The following PCDHGA2 variants were observed in gnomAD, a reference collection of about 807,000 sequenced individuals.
PCDHGA2 encodes the protein protocadherin gamma subfamily A, 2.
Under a neutral mutation model 59.2 loss-of-function variants are expected in PCDHGA2, and 40 were observed. The ratio of observed to expected loss-of-function variants is 0.68; its 90% confidence interval spans 0.52 to 0.88. PCDHGA2 has a LOEUF of 0.88. PCDHGA2 is among the 40% of genes least tolerant of loss of function. PCDHGA2 has a pLI of 0.00. For missense variants in PCDHGA2, 1,226 were observed against 1,204.0 expected (o/e 1.02, Z -0.27); for synonymous variants, 560 against 526.0 (o/e 1.06, Z -0.89).
chr5:141,479,035 C>A (rs2099486361), intron 1 of PCDHGA2, among the ~76,000 whole-genome samples: 1 of 152,104 alleles, frequency 6.6e-6, no homozygotes, highest in Non-Finnish European at 1.5e-5. Context: ...TTATACAGAT[C>A]GTGTACCTCA....
intron 2 of PCDHGA2, among the ~76,000 whole-genome samples, chr5:141,498,436 A>G (rs566463876): frequency 6.6e-6 from 1 of 152,268 alleles, no homozygotes; most frequent in East Asian, 1.9e-4. Flanking sequence ...GGGGATGAAG[A>G]GGAGAGGTTC....
In PCDHGA2 at chr5:141,494,863, C is replaced by A. The variant is rs538734954; in HGVS notation, c.2481C>A (p.Ser827Arg). 17 of 1,614,118 alleles carry A rather than the reference C, an allele frequency of 1.1e-5. No individual in the cohort carries two copies. Among genetic ancestry groups the A allele is most frequent in the Non-Finnish European group, 1.4e-5 (17 of 1,179,994 alleles). Residue 827 changes from serine to arginine, a missense_variant and splice_region_variant, in exon 2 of 4, where the codon AGC becomes AGA. By Grantham distance (110) the Ser-to-Arg change is moderately radical. Transcript: ENST00000394576. ...RFSQAQRPGT[S>R]GSQNGDDTGT... ...CTCAGGCCCAGAGACCCGGCACCAG[C>A]GGGTAGGTGACTGATTCTCCAGCCC...
intron 1 of PCDHGA2, chr5:141,355,947 A>C: frequency 1.2e-6 from 2 of 1,613,908 alleles, no homozygotes; most frequent in Non-Finnish European, 1.7e-6. Flanking sequence ...AGTACCACGT[A>C]AGTGTTCGTG....
intron 1 of PCDHGA2, chr5:141,405,577 T>C (rs1034475748): frequency 1.0e-5 from 6 of 597,580 alleles, no homozygotes; most frequent in Non-Finnish European, 1.8e-5. Context: ...GTAGAGTAGC[T>C]GGGACTACAG....
At chr5:141,411,954 A>T (rs563669924) in intron 1 of PCDHGA2, 1 of 152,382 alleles carries the variant, frequency 6.6e-6, no homozygotes, top group East Asian at 1.9e-4. Flanking sequence ...TTTTGAAGAA[A>T]AAAGATAAAA....
At position 141,476,792 on chromosome 5, in the gene PCDHGA2, G is replaced by T. The variant is rs376910320; in HGVS notation, c.2425-18015G>T. ...GGACGGAGGGACCCCAGCTCTCTCC[G>T]CCAGCCTGCCTATTCACATCAAGGT... On this transcript the variant is annotated intron_variant, in intron 1 of 3. Coordinates refer to ENST00000394576, the MANE Select transcript of PCDHGA2 (RefSeq NM_018915.4). The surrounding 1 kb of genome is among the most constrained non-coding windows in gnomAD (Gnocchi z 7.6). 4.3e-6 allele frequency: 7 copies of T among 1,612,720 alleles called. No individual in the cohort carries two copies. Among genetic ancestry groups the T allele is most frequent in the Non-Finnish European group, 5.1e-6 (6 of 1,179,958 alleles).
At chr5:141,399,834 G>A (rs375768001) in intron 1 of PCDHGA2, 3 of 1,613,004 alleles carry the variant, frequency 1.9e-6, no homozygotes, top group African/African-American at 2.7e-5. Flanking sequence ...ACGGCTCTGC[G>A]CTCTTCGATA....
chr5:141,350,289 T>G (rs1758440000), intron 1 of PCDHGA2: 8 of 1,513,050 alleles, frequency 5.3e-6, no homozygotes, highest in Non-Finnish European at 7.1e-6. Flanking sequence ...GCCGAAATGA[T>G]GAAAAGTCAG....
chr5:141,409,833 C>G (rs973436075), intron 1 of PCDHGA2: 2 of 1,611,368 alleles, frequency 1.2e-6, no homozygotes, highest in Non-Finnish European at 1.7e-6. Context: ...ACGCTCAGCG[C>G]CAACGTGAGC....
intron 1 of PCDHGA2, chr5:141,428,805 C>G (rs1468764398): frequency 6.6e-6 from 1 of 152,108 alleles, no homozygotes; most frequent in African/African-American, 2.4e-5. Flanking sequence ...GGGCCAGTAA[C>G]TTCATTATTA....
chr5:141,361,004 A>G, intron 1 of PCDHGA2: 1 of 1,613,282 alleles, frequency 6.2e-7, no homozygotes, highest in African/African-American at 1.3e-5. Context: ...CAAGTGAAAC[A>G]CTTTTTCAAC....
intron 1 of PCDHGA2, chr5:141,361,044 A>G: frequency 6.2e-7 from 1 of 1,613,658 alleles, no homozygotes; most frequent in South Asian, 1.1e-5. Flanking sequence ...AAATCACGAC[A>G]AAGGATGATT....
At chr5:141,387,385 T>C (rs998102373) in intron 1 of PCDHGA2, among the ~76,000 whole-genome samples, 4 of 152,206 alleles carry the variant, frequency 2.6e-5, no homozygotes, top group African/African-American at 9.6e-5. Flanking sequence ...TTTATATAGA[T>C]AGTGCATGTT....
At chr5:141,469,511 G>T (rs2099203340) in intron 1 of PCDHGA2, among the ~76,000 whole-genome samples, 2 of 152,038 alleles carry the variant, frequency 1.3e-5, no homozygotes, top group South Asian at 2.1e-4. Flanking sequence ...GGAGGTGGAG[G>T]TTGCAGTGAG....
At chr5:141,404,192 A>G in intron 1 of PCDHGA2, 1 of 1,613,574 alleles carries the variant, frequency 6.2e-7, no homozygotes. Flanking sequence ...TGACCGAGAA[A>G]AAGCCTCAGA....
intron 1 of PCDHGA2, chr5:141,376,511 A>T (rs1772759246): frequency 6.2e-7 from 1 of 1,613,966 alleles, no homozygotes; most frequent in Non-Finnish European, 8.5e-7. Flanking sequence ...ACTTCAGGTG[A>T]GTTTCTTTCC....
rs562030939 is a variant in PCDHGA2 at position 141,365,175 on chromosome 5, G to T, written c.2424+23780G>T. ...AACGGGAAATTGACCTACTCTTTTC[G>T]CAATGAAGAAGAAAAAATTTCGGAG... On this transcript the variant is annotated intron_variant, in intron 1 of 3. Transcript: ENST00000394576. 7 of 1,613,832 alleles carry T rather than the reference G, an allele frequency of 4.3e-6. No homozygotes were observed. In the African/African-American group the frequency reaches 5.3e-5, roughly 12 times the overall value.
chr5:141,392,659 A>G, intron 1 of PCDHGA2: 1 of 788,300 alleles, frequency 1.3e-6, no homozygotes, highest in Non-Finnish European at 1.9e-6. Context: ...CGCAGATGCC[A>G]CAAACTAACT....
intron 1 of PCDHGA2, chr5:141,390,260 C>T (rs1206984031): frequency 6.2e-7 from 1 of 1,614,002 alleles, no homozygotes; most frequent in Non-Finnish European, 8.5e-7. Context: ...TTTGTAATTC[C>T]AGTGAATTGA....
Sources: allele counts gnomAD v4.1 joint callset (sites outside exome capture counted in the v4.1 genomes callset), GRCh38; gene constraint gnomAD v4.1.1; non-coding constraint Gnocchi (gnomAD v3.1); transcripts MANE v1.5; gene names NCBI Gene and HGNC (gene_info 2026-07-23, HGNC 2026-07-21).